GNAO1: variants seen among roughly 807,000 people sequenced by gnomAD.
GNAO1 encodes guanine nucleotide-binding protein G(o) subunit alpha.
For synonymous variants in GNAO1, 164 were observed against 180.7 expected (o/e 0.91, Z 0.74); for missense variants, 166 against 478.7 (o/e 0.35, Z 6.10).
intron 3 of GNAO1, among the ~76,000 whole-genome samples, chr16:56,294,052 A>G (rs1288202052): frequency 6.6e-6 from 1 of 152,178 alleles, no homozygotes; most frequent in Non-Finnish European, 1.5e-5. Context: ...ACTATACTTT[A>G]TAGATGAGCT....
In GNAO1 at chr16:56,328,849, G is replaced by A. The variant is rs189684246; in HGVS notation, c.464+58G>A. 4 of 1,551,730 alleles carry A rather than the reference G, an allele frequency of 2.6e-6. No individual in the cohort carries two copies. In the South Asian group the frequency reaches 3.4e-5, roughly 13 times the overall value. ...CGGGCAGTGATGCGGGAGTGGAAGG[G>A]ACTGGTGATGGGGATTGGCAGAGCA... On this transcript the variant is annotated intron_variant, in intron 4 of 8. Transcript: ENST00000262493.
At chr16:56,213,069 T>C (rs1477699968) in intron 2 of GNAO1, among the ~76,000 whole-genome samples, 1 of 152,082 alleles carries the variant, frequency 6.6e-6, no homozygotes, top group Non-Finnish European at 1.5e-5. Flanking sequence ...GAACTCGGAG[T>C]CTCACAGCTA....
chr16:56,254,110 T>A (rs2036825201), intron 2 of GNAO1, among the ~76,000 whole-genome samples: 1 of 152,190 alleles, frequency 6.6e-6, no homozygotes, highest in African/African-American at 2.4e-5. Flanking sequence ...GTGAAATTTA[T>A]TAAGTTTATA....
chr16:56,194,048 T>C (rs1350887016), intron 2 of GNAO1: 6 of 443,820 alleles, frequency 1.4e-5, no homozygotes, highest in Non-Finnish European at 2.3e-5. Context: ...GCAAAAAATC[T>C]TGGATGTGTA....
At chr16:56,321,172 G>A (rs1317382379) in intron 3 of GNAO1, among the ~76,000 whole-genome samples, 11 of 152,192 alleles carry the variant, frequency 7.2e-5, no homozygotes, top group African/African-American at 1.9e-4. Flanking sequence ...AGCCTTGGCC[G>A]ACTAGGGGGC....
intron 1 of GNAO1, 41 bp downstream of exon 1, chr16:56,192,394 C>A: frequency 8.3e-7 from 1 of 1,202,360 alleles, no homozygotes; most frequent in South Asian, 1.2e-5. Flanking sequence ...CGACCCCGGC[C>A]ACTCCGCACC....
intron 2 of GNAO1, among the ~76,000 whole-genome samples, chr16:56,222,836 C>T (rs1457322820): frequency 1.3e-5 from 2 of 151,994 alleles, no homozygotes; most frequent in Non-Finnish European, 2.9e-5. Flanking sequence ...TGAAGACTGG[C>T]GATGAGGTGA....
chr16:56,211,972 A>G (rs1158481923), intron 2 of GNAO1, among the ~76,000 whole-genome samples: 2 of 152,128 alleles, frequency 1.3e-5, no homozygotes, highest in Admixed American at 1.3e-4. Flanking sequence ...AAGAATGAGG[A>G]ATAATGGGGG....
At chr16:56,218,086 C>A (rs1304847670) in intron 2 of GNAO1, among the ~76,000 whole-genome samples, 2 of 152,224 alleles carry the variant, frequency 1.3e-5, no homozygotes, top group African/African-American at 4.8e-5. Context: ...GTATGTATTT[C>A]TGATATTCTA....
chr16:56,223,451 T>A (rs1311060248), intron 2 of GNAO1, among the ~76,000 whole-genome samples: 1 of 152,224 alleles, frequency 6.6e-6, no homozygotes, highest in Non-Finnish European at 1.5e-5. Flanking sequence ...TAAGGACTCA[T>A]GTGATTAGAT....
chr16:56,250,384 A>G (rs1218538231), intron 2 of GNAO1, among the ~76,000 whole-genome samples: 1 of 152,212 alleles, frequency 6.6e-6, no homozygotes. Context: ...GACTAGATAA[A>G]GCCACTGTTA....
At chr16:56,256,975 G>A (rs1301980514) in intron 2 of GNAO1, among the ~76,000 whole-genome samples, 1 of 152,154 alleles carries the variant, frequency 6.6e-6, no homozygotes, top group Admixed American at 6.5e-5. Context: ...GAATCCCGTG[G>A]TGGGAAAGTT....
At chr16:56,254,335 A>T (rs534925595) in intron 2 of GNAO1, among the ~76,000 whole-genome samples, 1 of 152,206 alleles carries the variant, frequency 6.6e-6, no homozygotes, top group South Asian at 2.1e-4. Context: ...TGGATGCTTC[A>T]TATATTTAGC....
chr16:56,269,162 C>G (rs967809352), intron 2 of GNAO1, among the ~76,000 whole-genome samples: 1 of 152,234 alleles, frequency 6.6e-6, no homozygotes, highest in African/African-American at 2.4e-5. Context: ...TCCACCTTCT[C>G]ATCCCACAAC....
intron 2 of GNAO1, among the ~76,000 whole-genome samples, chr16:56,247,454 A>G (rs188042337): frequency 1.1e-3 from 154 of 145,218 alleles, no homozygotes; most frequent in African/African-American, 3.8e-3. Flanking sequence ...AGTGTATCTG[A>G]CATTTTGCTA....
chr16:56,284,731 C>T (rs983966960), intron 3 of GNAO1, among the ~76,000 whole-genome samples: 5 of 152,188 alleles, frequency 3.3e-5, no homozygotes, highest in African/African-American at 1.2e-4. Context: ...CCAGTGCTAG[C>T]AGGGGTCAGT....
intron 2 of GNAO1, among the ~76,000 whole-genome samples, chr16:56,206,344 AAG>A (rs1491201531): frequency 6.6e-6 from 1 of 151,646 alleles, no homozygotes; most frequent in Non-Finnish European, 1.5e-5. Context: ...AAAAAAAAAA[AAG>A]AGGCAGTTAG....
At chr16:56,231,435 G>C (rs1393677894) in intron 2 of GNAO1, among the ~76,000 whole-genome samples, 4 of 152,102 alleles carry the variant, frequency 2.6e-5, no homozygotes, top group Non-Finnish European at 4.4e-5. Context: ...TCCTGTATTT[G>C]TGTGTTCATT....
intron 2 of GNAO1, among the ~76,000 whole-genome samples, chr16:56,221,487 TAA>T (rs2036487313): frequency 6.6e-6 from 1 of 151,782 alleles, no homozygotes; most frequent in Non-Finnish European, 1.5e-5. Flanking sequence ...CCATCTCTAC[TAA>T]AAATACAAAA....
Sources: allele counts gnomAD v4.1 joint callset (sites outside exome capture counted in the v4.1 genomes callset), GRCh38; gene constraint gnomAD v4.1.1; transcripts MANE v1.5; gene names NCBI Gene and HGNC (gene_info 2026-07-23, HGNC 2026-07-21).